Variants in TMPRSS4 observed in about 807,000 individuals in gnomAD.
The protein encoded by TMPRSS4 is transmembrane serine protease 4.
Under a neutral mutation model 56.4 loss-of-function variants are expected in TMPRSS4, and 45 were observed. The observed-to-expected ratio is 0.80, with a 90% CI of 0.63 to 1.02. The LOEUF (loss-of-function observed/expected upper bound fraction) is 1.02, where lower values mean the gene tolerates loss of function less well. TMPRSS4 is among the 50% of genes least tolerant of loss of function. The pLI, the probability that TMPRSS4 is intolerant of heterozygous loss-of-function variation, is 0.00. For missense variants in TMPRSS4, 546 were observed against 556.7 expected, an observed-to-expected ratio of 0.98 and a Z score of 0.19; for synonymous variants, 205 against 211.0, an observed-to-expected ratio of 0.97 and a Z score of 0.25.
At chr11:118,083,669 C>A (rs10790230) in intron 1 of TMPRSS4, among the ~76,000 whole-genome samples, 57,299 of 152,030 alleles carry the variant, frequency 0.38, 11,254 homozygotes, top group East Asian at 0.62. Flanking sequence ...AGCTTTACCT[C>A]TGGTTCACTG....
At chr11:118,122,346 G>A (rs1947813218), downstream of TMPRSS4, among the ~76,000 whole-genome samples, 1 of 152,166 alleles carries the variant, frequency 6.6e-6, no homozygotes, top group Admixed American at 6.5e-5. Flanking sequence ...GGTACAGACA[G>A]CAAGCATTTA....
intron 1 of TMPRSS4, among the ~76,000 whole-genome samples, chr11:118,084,330 A>G (rs1296754740): frequency 6.6e-6 from 1 of 152,148 alleles, no homozygotes; most frequent in Non-Finnish European, 1.5e-5. Context: ...GCAAGGAAAA[A>G]CTTCATGAAG....
chr11:118,110,512 A>T (rs1417715781), intron 7 of TMPRSS4, among the ~76,000 whole-genome samples: 1 of 152,090 alleles, frequency 6.6e-6, no homozygotes, highest in Admixed American at 6.5e-5. Flanking sequence ...AGCTGGGACT[A>T]TAGGCATGTG....
In TMPRSS4 at chr11:118,115,058, C is replaced by G. The variant is rs1281764250; in HGVS notation, c.1010-80C>G. The stretch of plus-strand genomic sequence containing the variant: ...GAGGACCAAGCACCAAGGCGCCAGG[C>G]AGAAAGCAAAGTGGTTTGGCAATCC... On this transcript the variant is annotated intron_variant, in intron 10 of 12. Coordinates refer to ENST00000437212, the MANE Select transcript of TMPRSS4 (RefSeq NM_019894.4). The G allele has an allele frequency of 7.0e-6, 11 of 1,562,438 alleles. No homozygotes were observed. In the Middle Eastern group the frequency reaches 5.1e-4, roughly 72 times the overall value.
At chr11:118,102,896 G>C (rs1257743708) in intron 3 of TMPRSS4, 1 of 605,838 alleles carries the variant, frequency 1.7e-6, no homozygotes, top group African/African-American at 1.8e-5. Flanking sequence ...TCTTGTGGGG[G>C]TGGGGCCGGT....
intron 8 of TMPRSS4, among the ~76,000 whole-genome samples, chr11:118,112,495 C>G (rs1947327753): frequency 7.1e-6 from 1 of 140,048 alleles, no homozygotes; most frequent in Non-Finnish European, 1.5e-5. Context: ...TGAGTTCAAG[C>G]AATTCTCCTG....
intron 1 of TMPRSS4, chr11:118,087,482 C>G (rs1034113737): frequency 5.3e-5 from 8 of 152,198 alleles, no homozygotes; most frequent in Non-Finnish European, 1.5e-5. Context: ...GGGCAGTTCC[C>G]AATTACCCAA....
chr11:118,077,317 G>A lies in TMPRSS4; in HGVS notation c.3+12G>A. ...ACAGAGCCAGCATGGTGAGTGTGGG[G>A]CCCTCTGCTCCCAAGACACAGGAAG... On this transcript the variant is annotated intron_variant, in intron 1 of 12. Transcript: ENST00000437212. 1 of 1,598,002 alleles carries A rather than the reference G, an allele frequency of 6.3e-7. No individual in the cohort carries two copies. The highest frequency in any genetic ancestry group is 1.1e-5 in the South Asian group (1 of 88,028).
chr11:118,091,840 C>A (rs1565417256), intron 1 of TMPRSS4, among the ~76,000 whole-genome samples: 1 of 152,138 alleles, frequency 6.6e-6, no homozygotes. Flanking sequence ...CTAGCTGCAA[C>A]AATGCAGAGT....
chr11:118,078,529 G>A (rs1425378990), intron 1 of TMPRSS4, among the ~76,000 whole-genome samples: 3 of 152,210 alleles, frequency 2.0e-5, no homozygotes, highest in Non-Finnish European at 4.4e-5. Context: ...TTTGAGCCAG[G>A]ATCAAAGCAC....
rs1341805567 is a variant in TMPRSS4 at position 118,114,851 on chromosome 11, G to A, written c.933G>A (p.Leu311=). 2 of 1,608,444 alleles carry A rather than the reference G, an allele frequency of 1.2e-6. No individual in the cohort carries two copies. The highest frequency in any genetic ancestry group is 3.4e-5 in the Admixed American group (2 of 59,338). Residue 311 remains leucine, a synonymous_variant, in exon 10 of 13, where the codon CTG becomes CTA. Coordinates refer to ENST00000437212, the MANE Select transcript of TMPRSS4 (RefSeq NM_019894.4). Reference sequence around the variant, plus strand: ...CAGGCACAGTCAGGCCCATCTGTCTGCCCTTCTTTGATGAGGAGCTCACTC... The same window carrying A: ...CAGGCACAGTCAGGCCCATCTGTCTACCCTTCTTTGATGAGGAGCTCACTC... The part of the protein sequence containing the change: ...TFSGTVRPIC[L]PFFDEELTPA...
chr11:118,117,506 G>C, intron 12 of TMPRSS4, 52 bp downstream of exon 12: 1 of 1,570,166 alleles, frequency 6.4e-7, no homozygotes, highest in South Asian at 1.2e-5. Context: ...CCTCTACCTG[G>C]GGGGTGCCAA....
At chr11:118,078,751 A>T (rs1365661954) in intron 1 of TMPRSS4, among the ~76,000 whole-genome samples, 1 of 152,182 alleles carries the variant, frequency 6.6e-6, no homozygotes, top group African/African-American at 2.4e-5. Flanking sequence ...CACTAACTGC[A>T]GAATCAGAAG....
chr11:118,087,127 A>G (rs1300137041), intron 1 of TMPRSS4, among the ~76,000 whole-genome samples: 2 of 152,052 alleles, frequency 1.3e-5, no homozygotes, highest in Non-Finnish European at 2.9e-5. Flanking sequence ...AGGTTTTCCT[A>G]TGAGACCATG....
At chr11:118,122,966 A>G (rs1947823441), downstream of TMPRSS4, among the ~76,000 whole-genome samples, 1 of 152,158 alleles carries the variant, frequency 6.6e-6, no homozygotes. Flanking sequence ...ACATAGCAAC[A>G]AGATACTATC....
rs1416795642 is a variant in TMPRSS4, at chr11:118,077,249, G to T, written c.-54G>T. 1.9e-6 allele frequency: 3 copies of T among 1,585,078 alleles called. No individual in the cohort carries two copies. In the Admixed American group the frequency reaches 5.4e-5, roughly 28 times the overall value. On this transcript the variant is annotated 5_prime_UTR_variant, in exon 1 of 13. Coordinates refer to ENST00000437212, the MANE Select transcript of TMPRSS4 (RefSeq NM_019894.4). ...TGGGGAGGCCCTCCTGCTGCCTTGG[G>T]GTGACAATCTCAGCTCCAGGCTACA...
chr11:118,118,894 G>A lies in TMPRSS4; in HGVS notation c.*981G>A, dbSNP rs938341906. On this transcript the variant is annotated 3_prime_UTR_variant, in exon 13 of 13. Coordinates refer to ENST00000437212, the MANE Select transcript of TMPRSS4 (RefSeq NM_019894.4). ...ATTTAAAAAACAAAAAGGATCAGCT[G>A]CCAGGTGTGAGGCAGTCCCCAAGCT... The A allele has an allele frequency of 5.6e-5, 55 of 985,300 alleles. No homozygotes were observed. The highest frequency in any genetic ancestry group is 6.4e-5 in the Non-Finnish European group (53 of 829,944). 61.0% of individuals were successfully genotyped at this position (985,300 alleles called of 1,614,324 possible). A position where few individuals can be genotyped will look rare whatever the true frequency, so the allele number is the denominator to read the frequency against.
chr11:118,104,862 TTCC>T (rs1028456573), intron 5 of TMPRSS4, 42 bp downstream of exon 5: 4 of 1,500,024 alleles, frequency 2.7e-6, no homozygotes, highest in Non-Finnish European at 3.6e-6. Flanking sequence ...TCCTTCCTCC[TTCC>T]TCCTCTTCCT....
chr11:118,090,804 TCA>T (rs891098948), intron 1 of TMPRSS4, among the ~76,000 whole-genome samples: 24 of 142,730 alleles, frequency 1.7e-4, no homozygotes, highest in Non-Finnish European at 3.0e-4. Context: ...TCTCACTCTG[TCA>T]CACACACACA....
Sources: allele counts gnomAD v4.1 joint callset (sites outside exome capture counted in the v4.1 genomes callset), GRCh38; gene constraint gnomAD v4.1.1; transcripts MANE v1.5; gene names NCBI Gene and HGNC (gene_info 2026-07-23, HGNC 2026-07-21).